C1orf21: variants seen among roughly 807,000 people sequenced by gnomAD.
C1orf21 encodes uncharacterized protein C1orf21.
C1orf21 carries 3 observed loss-of-function variants against 18.7 expected under a neutral mutation model. The observed-to-expected ratio is 0.16, with a 90% CI of 0.07 to 0.42. The LOEUF (loss-of-function observed/expected upper bound fraction) is 0.42. Ranked by LOEUF, C1orf21 falls within the 10% of genes least tolerant of loss-of-function variation. C1orf21 has a pLI of 0.99. For synonymous variants in C1orf21, 41 were observed against 46.4 expected (o/e 0.88, Z 0.47); for missense variants, 104 against 143.6 (o/e 0.72, Z 1.41).
intron 3 of C1orf21, among the ~76,000 whole-genome samples, chr1:184,549,099 G>A (rs1277852732): frequency 3.9e-5 from 6 of 152,154 alleles, no homozygotes; most frequent in African/African-American, 1.4e-4. Context: ...CAGACTGTCA[G>A]AGGAGTACAT....
rs905189720 is a variant in C1orf21 at position 184,477,351 on chromosome 1, A to G, written c.-124-35A>G. On this transcript the variant is annotated intron_variant, in intron 1 of 5. Coordinates refer to ENST00000235307, the MANE Select transcript of C1orf21 (RefSeq NM_030806.4). ...GTGAGGCTTGTGTTTTGCTGCAGTCACTGCCCATTCTAATCTAGCTTTCTT... is the reference window on the plus strand; with the variant it reads ...GTGAGGCTTGTGTTTTGCTGCAGTCGCTGCCCATTCTAATCTAGCTTTCTT... 37 of 605,356 alleles carry G rather than the reference A, an allele frequency of 6.1e-5. No homozygotes were observed. In the African/African-American group the frequency reaches 6.3e-4, roughly 10 times the overall value. 37.5% of individuals were successfully genotyped at this position (605,356 alleles called of 1,614,324 possible).
intron 3 of C1orf21, among the ~76,000 whole-genome samples, chr1:184,547,018 G>C (rs568570893): frequency 3.3e-4 from 51 of 152,356 alleles, no homozygotes; most frequent in Non-Finnish European, 6.8e-4. Flanking sequence ...ATGAACAGCA[G>C]TAACTAAAAA....
chr1:184,479,509 G>A (rs762392896), intron 2 of C1orf21, among the ~76,000 whole-genome samples: 20 of 151,946 alleles, frequency 1.3e-4, no homozygotes, highest in Non-Finnish European at 2.6e-4. Context: ...GGACTTGTCC[G>A]AGGTTACCCA....
At chr1:184,398,014 C>T (rs184770725) in intron 1 of C1orf21, among the ~76,000 whole-genome samples, 7 of 152,208 alleles carry the variant, frequency 4.6e-5, no homozygotes, top group African/African-American at 1.7e-4. Context: ...TACTCATTCT[C>T]GGACTCCACT....
chr1:184,603,449 A>G (rs529222878), intron 5 of C1orf21, among the ~76,000 whole-genome samples: 11 of 152,208 alleles, frequency 7.2e-5, no homozygotes, highest in Non-Finnish European at 1.6e-4. Flanking sequence ...GTGACATTTC[A>G]GAAAAACTCT....
chr1:184,520,084 A>G (rs1233939319), intron 3 of C1orf21, among the ~76,000 whole-genome samples: 2 of 152,244 alleles, frequency 1.3e-5, no homozygotes, highest in East Asian at 3.8e-4. Context: ...CTTCATGTTC[A>G]TAATAGGATT....
chr1:184,394,320 TA>T (rs1362545710), intron 1 of C1orf21, among the ~76,000 whole-genome samples: 1 of 152,234 alleles, frequency 6.6e-6, no homozygotes, highest in African/African-American at 2.4e-5. Context: ...AGTTCATTGT[TA>T]AACCACATGT....
intron 1 of C1orf21, among the ~76,000 whole-genome samples, chr1:184,434,833 A>G (rs1346158100): frequency 6.6e-6 from 1 of 152,228 alleles, no homozygotes; most frequent in Non-Finnish European, 1.5e-5. Flanking sequence ...AATTCAGGTC[A>G]GAGAGGGAGG....
At chr1:184,457,730 A>G (rs768333406) in intron 1 of C1orf21, among the ~76,000 whole-genome samples, 2 of 152,066 alleles carry the variant, frequency 1.3e-5, no homozygotes, top group African/African-American at 2.4e-5. Context: ...CTGGTTTGCT[A>G]TGGGCTGTAA....
chr1:184,410,664 T>TATATAATATATATA lies in C1orf21; in HGVS notation c.-125+23296_-125+23297insATATAATATATATA, dbSNP rs1553248058. Among the ~76,000 whole-genome samples, 6 of 3,012 alleles carry TATATAATATATATA rather than the reference T, an allele frequency of 2.0e-3. No homozygotes were observed. The African/African-American group carries it at 0.027, about 13-fold the overall frequency. The allele number at this position is 3,012 out of a possible 152,430, so 2.0% of individuals were successfully genotyped here. On this transcript the variant is annotated intron_variant, in intron 1 of 5. Transcript: ENST00000235307. ...ATATATATATATATATATATATATA[T>TATATAATATATATA]TTTTTTTTTTTTTTTTTGAGATGGA... is the stretch of plus-strand genomic sequence containing the variant.
chr1:184,503,465 A>G (rs1335327762), intron 2 of C1orf21, among the ~76,000 whole-genome samples: 1 of 151,978 alleles, frequency 6.6e-6, no homozygotes, highest in Non-Finnish European at 1.5e-5. Context: ...TCCCCTCAAG[A>G]CAGCTGGTTT....
At chr1:184,403,604 T>C (rs1386594384) in intron 1 of C1orf21, among the ~76,000 whole-genome samples, 7 of 152,214 alleles carry the variant, frequency 4.6e-5, no homozygotes, top group Non-Finnish European at 1.0e-4. Context: ...ATGTATTATG[T>C]GATTATTTCA....
At chr1:184,531,390 C>T (rs1442645147) in intron 3 of C1orf21, among the ~76,000 whole-genome samples, 2 of 152,182 alleles carry the variant, frequency 1.3e-5, no homozygotes, top group African/African-American at 4.8e-5. Context: ...ATTCACTAGC[C>T]CAGTTTCCTG....
At chr1:184,544,640 C>G (rs1442946398) in intron 3 of C1orf21, among the ~76,000 whole-genome samples, 1 of 152,168 alleles carries the variant, frequency 6.6e-6, no homozygotes, top group African/African-American at 2.4e-5. Context: ...GTATTAGTTA[C>G]CCAGTACTAC....
intron 3 of C1orf21, among the ~76,000 whole-genome samples, chr1:184,553,292 T>C (rs1194379762): frequency 6.6e-6 from 1 of 152,212 alleles, no homozygotes; most frequent in Non-Finnish European, 1.5e-5. Context: ...GGATTTCCAT[T>C]AATAATCCTA....
chr1:184,588,414 A>G (rs779228280), intron 3 of C1orf21, among the ~76,000 whole-genome samples: 2 of 152,098 alleles, frequency 1.3e-5, no homozygotes, highest in Non-Finnish European at 2.9e-5. Flanking sequence ...CAAAATTTGG[A>G]GATTATAGGT....
intron 3 of C1orf21, among the ~76,000 whole-genome samples, chr1:184,548,255 ACT>A (rs1219762884): frequency 1.4e-5 from 2 of 143,958 alleles, no homozygotes; most frequent in African/African-American, 2.6e-5. Flanking sequence ...ACACACACAC[ACT>A]CACACACTCA....
chr1:184,570,879 C>G (rs1479946527), intron 3 of C1orf21, among the ~76,000 whole-genome samples: 1 of 152,216 alleles, frequency 6.6e-6, no homozygotes, highest in Non-Finnish European at 1.5e-5. Context: ...CACCTAGGCT[C>G]TATGGTATAG....
intron 3 of C1orf21, among the ~76,000 whole-genome samples, chr1:184,578,646 T>C (rs1177016545): frequency 6.6e-6 from 1 of 152,196 alleles, no homozygotes; most frequent in Non-Finnish European, 1.5e-5. Context: ...TTCTGTGAAA[T>C]ACCTATATGT....
Sources: gnomAD v4.1 joint callset for allele counts (sites outside exome capture counted in the v4.1 genomes callset) on GRCh38, gnomAD v4.1.1 for gene constraint, MANE v1.5 for transcripts, NCBI Gene and HGNC (gene_info 2026-07-23, HGNC 2026-07-21) for gene names.